The following NFIA variants were observed in gnomAD, a reference collection of about 807,000 sequenced individuals.
The protein encoded by NFIA is nuclear factor I A.
A neutral mutation model predicts 62.8 loss-of-function variants in NFIA; 8 were observed. The ratio of observed to expected loss-of-function variants is 0.13; its 90% CI spans 0.07 to 0.23. NFIA has a LOEUF of 0.23. Among genes scored for constraint, NFIA ranks in the 10% least tolerant of loss-of-function variants. NFIA has a pLI of 1.00. For synonymous variants in NFIA, 235 were observed against 238.1 expected, an observed-to-expected ratio of 0.99 and a Z score of 0.12; for missense variants, 410 against 642.1, an observed-to-expected ratio of 0.64 and a Z score of 3.91.
At chr1:61,450,268 G>A (rs750401621) in intron 10 of NFIA, among the ~76,000 whole-genome samples, 18 of 152,186 alleles carry the variant, frequency 1.2e-4, no homozygotes, top group Non-Finnish European at 1.8e-4. Flanking sequence ...TGGTTTATGC[G>A]AATGTGAGAA....
chr1:61,376,322 A>G (rs867965845), intron 6 of NFIA, among the ~76,000 whole-genome samples: 1 of 152,296 alleles, frequency 6.6e-6, no homozygotes. Context: ...CTTTCTTGTT[A>G]TAGATAGATA....
chr1:61,399,223 T>C (rs1370643627), intron 7 of NFIA, among the ~76,000 whole-genome samples: 1 of 152,216 alleles, frequency 6.6e-6, no homozygotes, highest in Non-Finnish European at 1.5e-5. Flanking sequence ...TTTGTATTCA[T>C]TAACACTAAG....
chr1:61,159,140 G>A (rs771304145), intron 2 of NFIA, among the ~76,000 whole-genome samples: 2 of 151,992 alleles, frequency 1.3e-5, no homozygotes, highest in African/African-American at 2.4e-5. Context: ...AGGAATTACC[G>A]AGACTAGTAA....
At chr1:61,239,482 A>G (rs1339919207) in intron 2 of NFIA, among the ~76,000 whole-genome samples, 3 of 152,256 alleles carry the variant, frequency 2.0e-5, no homozygotes, top group East Asian at 1.9e-4. Flanking sequence ...TTGCTTATCT[A>G]TCTTTCATTC....
At chr1:61,078,109 TG>T (rs1293698468), upstream of NFIA, among the ~76,000 whole-genome samples, 3 of 152,016 alleles carry the variant, frequency 2.0e-5, no homozygotes, top group Non-Finnish European at 4.4e-5. Flanking sequence ...TAAGGAAGCT[TG>T]GGTGTACAAT....
chr1:61,437,410 A>G (rs1378855010), intron 10 of NFIA, among the ~76,000 whole-genome samples: 1 of 152,042 alleles, frequency 6.6e-6, no homozygotes, highest in Non-Finnish European at 1.5e-5. Context: ...ACATCTTGGT[A>G]CACAGAGAAA....
intron 3 of NFIA, among the ~76,000 whole-genome samples, chr1:61,294,061 T>A (rs1659050835): frequency 6.6e-6 from 1 of 152,194 alleles, no homozygotes; most frequent in Non-Finnish European, 1.5e-5. Flanking sequence ...GTGGTCAGAT[T>A]CCCACATTTT....
intron 2 of NFIA, among the ~76,000 whole-genome samples, chr1:61,199,375 A>C (rs1328069133): frequency 6.6e-6 from 1 of 152,186 alleles, no homozygotes; most frequent in Non-Finnish European, 1.5e-5. Context: ...GCTAAGGAAA[A>C]ATGCAAGTCG....
Position 61,088,971 on chromosome 1 carries a change from C to G in NFIA, c.559+291C>G, listed in dbSNP as rs567197501. ...TTTTTTGATGAGGGGATGAGAGAAG[C>G]CTCGTGAAAACCCTTTTAATAAAGA... On this transcript the variant is annotated intron_variant, in intron 2 of 10. Transcript: ENST00000403491. This position sits in a 1 kb window ranked among gnomAD's most constrained non-coding sequence, Gnocchi z 4.5. Among the ~76,000 whole-genome samples the G allele has an allele frequency of 6.6e-6, 1 of 152,288 alleles. No homozygotes were observed. The highest frequency in any genetic ancestry group is 2.1e-4 in the South Asian group (1 of 4,822).
intron 2 of NFIA, among the ~76,000 whole-genome samples, chr1:61,268,597 A>G (rs1241363397): frequency 1.3e-5 from 2 of 152,314 alleles, no homozygotes; most frequent in African/African-American, 4.8e-5. Flanking sequence ...TCTAAAGGTC[A>G]TAGCTAAATT....
At chr1:61,284,506 T>C (rs1440848792) in intron 3 of NFIA, among the ~76,000 whole-genome samples, 2 of 148,974 alleles carry the variant, frequency 1.3e-5, no homozygotes, top group African/African-American at 5.0e-5. Flanking sequence ...CATGACGCAG[T>C]GGAGGCTGCA....
chr1:61,438,852 G>C lies in NFIA; in HGVS notation c.1512+12296G>C, dbSNP rs186912975. ...AGCTGACATGATTAGTTCTAATGGGGTGGTGATCCTCATTGAATTGCAGAT... is the reference window on the plus strand; with the variant it reads ...AGCTGACATGATTAGTTCTAATGGGCTGGTGATCCTCATTGAATTGCAGAT... On this transcript the variant is annotated intron_variant, in intron 10 of 10. Transcript: ENST00000403491. 3.3e-5 allele frequency among the ~76,000 whole-genome samples: 5 copies of C among 152,212 alleles called. No individual in the cohort carries two copies. In the East Asian group the frequency reaches 9.6e-4, roughly 29 times the overall value.
intron 2 of NFIA, among the ~76,000 whole-genome samples, chr1:61,089,695 C>CTTTTTTTTTTTTTT (rs918196815): frequency 9.3e-6 from 1 of 107,750 alleles, no homozygotes; most frequent in South Asian, 3.1e-4. Context: ...GTTTTTTTTT[C>CTTTTTTTTTTTTTT]TTTTTTTTTT....
At chr1:61,406,509 T>G in intron 8 of NFIA, 53 bp from the exon 9 acceptor site, 1 of 1,482,826 alleles carries the variant, frequency 6.7e-7, no homozygotes, top group Non-Finnish European at 9.2e-7. Flanking sequence ...ATGGTTGCTG[T>G]CTCTTTCTTC....
chr1:61,290,430 G>A (rs991770259), intron 3 of NFIA, among the ~76,000 whole-genome samples: 1 of 152,076 alleles, frequency 6.6e-6, no homozygotes, highest in Non-Finnish European at 1.5e-5. Flanking sequence ...AAAAGAATTG[G>A]TTAATTCTCC....
At chr1:61,319,079 A>G (rs1398929859) in intron 3 of NFIA, among the ~76,000 whole-genome samples, 4 of 152,156 alleles carry the variant, frequency 2.6e-5, no homozygotes, top group Non-Finnish European at 4.4e-5. Context: ...CTGAGAGTGC[A>G]TCTGTGTCAG....
chr1:61,296,185 A>C (rs1227642030), intron 3 of NFIA, among the ~76,000 whole-genome samples: 1 of 152,202 alleles, frequency 6.6e-6, no homozygotes, highest in Non-Finnish European at 1.5e-5. Context: ...AAAACAAATA[A>C]ATACAACACT....
intron 2 of NFIA, among the ~76,000 whole-genome samples, chr1:61,168,193 T>C (rs111834170): frequency 6.6e-6 from 1 of 152,136 alleles, no homozygotes; most frequent in Non-Finnish European, 1.5e-5. Context: ...CATACAGATA[T>C]AGAAAAGCAA....
At chr1:61,182,568 G>A (rs952949987) in intron 2 of NFIA, among the ~76,000 whole-genome samples, 2 of 152,074 alleles carry the variant, frequency 1.3e-5, no homozygotes, top group African/African-American at 4.8e-5. Context: ...GTGTAGGGAC[G>A]TAAAATCTTT....
Sources: allele counts gnomAD v4.1 joint callset (sites outside exome capture counted in the v4.1 genomes callset), GRCh38; gene constraint gnomAD v4.1.1; non-coding constraint Gnocchi (gnomAD v3.1); transcripts MANE v1.5; gene names NCBI Gene and HGNC (gene_info 2026-07-23, HGNC 2026-07-21).